Variants in HNRNPD observed in about 807,000 individuals in gnomAD.
HNRNPD encodes heterogeneous nuclear ribonucleoprotein D.
A neutral mutation model predicts 47.9 loss-of-function variants in HNRNPD; 3 were observed. The observed-to-expected ratio is 0.06, with a 90% CI of 0.03 to 0.16. The LOEUF (loss-of-function observed/expected upper bound fraction) is 0.16. Among genes scored for constraint, HNRNPD ranks in the 10% least tolerant of loss-of-function variants. The probability of loss-of-function intolerance (pLI) is 1.00; values close to 1 mark genes in which losing one functional copy is unlikely to be tolerated. For synonymous variants in HNRNPD, 171 were observed against 165.1 expected (o/e 1.04, Z -0.28); for missense variants, 287 against 454.2 (o/e 0.63, Z 3.35).
At chr4:82,371,105 ATATTTCAG>A (rs1406873272) in intron 2 of HNRNPD, among the ~76,000 whole-genome samples, 1 of 152,226 alleles carries the variant, frequency 6.6e-6, no homozygotes, top group Admixed American at 6.5e-5. Flanking sequence ...CATCTCCAGA[ATATTTCAG>A]TATAACATGC....
intron 3 of HNRNPD, among the ~76,000 whole-genome samples, 199 bp from the exon 4 acceptor site, chr4:82,359,019 A>C (rs981399470): frequency 1.3e-5 from 2 of 152,180 alleles, no homozygotes; most frequent in African/African-American, 4.8e-5. Flanking sequence ...GAATGGTAGG[A>C]CATACACAAA....
chr4:82,357,542 G>T lies in HNRNPD; in HGVS notation c.622-98C>A, dbSNP rs190462337. 4,563 of 1,023,480 alleles carry T rather than the reference G, an allele frequency of 4.5e-3. 15 individuals carry two copies. The highest frequency in any genetic ancestry group is 5.8e-3 in the Non-Finnish European group (4,204 of 721,544). The allele number at this position is 1,023,480 out of a possible 1,614,324, so 63.4% of individuals were successfully genotyped here. A position where few individuals can be genotyped will look rare whatever the true frequency, so the allele number is the denominator to read the frequency against. Reference sequence around the variant, plus strand: ...GGGGGAAAACACACAAAGAAAACATGTATTTGGCACTGAAGTTCTAGTCTC... The same window carrying T: ...GGGGGAAAACACACAAAGAAAACATTTATTTGGCACTGAAGTTCTAGTCTC... On this transcript the variant is annotated intron_variant, in intron 4 of 8. Coordinates refer to ENST00000313899, the MANE Select transcript of HNRNPD (RefSeq NM_031370.3).
intron 2 of HNRNPD, among the ~76,000 whole-genome samples, chr4:82,363,605 G>A (rs566943517): frequency 2.6e-5 from 4 of 152,190 alleles, no homozygotes; most frequent in Non-Finnish European, 4.4e-5. Context: ...GCTGCAATAA[G>A]TTTAAACTTT....
In HNRNPD at chr4:82,373,831, C is replaced by G; in HGVS notation, c.-153G>C. 1.4e-6 allele frequency: 2 copies of G among 1,468,366 alleles called. No homozygotes were observed. The highest frequency in any genetic ancestry group is 1.8e-6 in the Non-Finnish European group (2 of 1,108,536). 91.0% of individuals were successfully genotyped at this position (1,468,366 alleles called of 1,614,324 possible). On this transcript the variant is annotated 5_prime_UTR_variant, in exon 1 of 9. Transcript: ENST00000313899. The stretch of plus-strand genomic sequence containing the variant: ...AGGCGCGCGCGTGGCTGCAAAGGCT[C>G]CTGCGCCTCTCCCTGGCCTGCCCCC...
Position 82,373,737 on chromosome 4 carries a change from A to T in HNRNPD, c.-59T>A. ...ACACCCGCCGCTGCCGCGAACCGAA[A>T]CTAGCAGCAAAGTAATCCCCGCCGC... On this transcript the variant is annotated 5_prime_UTR_variant, in exon 1 of 9. Coordinates refer to ENST00000313899, the MANE Select transcript of HNRNPD (RefSeq NM_031370.3). The T allele has an allele frequency of 6.5e-7, 1 of 1,526,958 alleles. No individual in the cohort carries two copies. Among genetic ancestry groups the T allele is most frequent in the Non-Finnish European group, 8.7e-7 (1 of 1,143,796 alleles). 94.6% of individuals were successfully genotyped at this position (1,526,958 alleles called of 1,614,324 possible).
rs141699564 is a variant in HNRNPD, at chr4:82,359,971, A to G, written c.291-332T>C. On this transcript the variant is annotated intron_variant, in intron 2 of 8. Transcript: ENST00000313899. ...GCAAAAAAACCAGAATCTTAGCTTC[A>G]AATTTCTCTTCCAAATGTTCATTAA... 1.4e-4 allele frequency among the ~76,000 whole-genome samples: 21 copies of G among 152,306 alleles called. 1 individual carries two copies. The East Asian group carries it at 4.0e-3, about 29-fold the overall frequency.
chr4:82,362,315 A>C (rs1475180307), intron 2 of HNRNPD, among the ~76,000 whole-genome samples: 1 of 152,218 alleles, frequency 6.6e-6, no homozygotes, highest in Non-Finnish European at 1.5e-5. Flanking sequence ...GTAAGTAGCC[A>C]GCTGTCAAAC....
chr4:82,361,072 G>A (rs1472250960), intron 2 of HNRNPD, among the ~76,000 whole-genome samples: 1 of 152,054 alleles, frequency 6.6e-6, no homozygotes, highest in Admixed American at 6.5e-5. Context: ...AAACAACTTT[G>A]GCATTTTATA....
Position 82,373,640 on chromosome 4 carries a change from T to G in HNRNPD, c.39A>C (p.Ala13=), listed in dbSNP as rs769991211. The stretch of plus-strand genomic sequence containing the variant: ...AGCCGCCTACCGCCGCCGTTGCCGC[T>G]GCCGCCGCCCCGTCCCCGCCGAACT... The part of the protein sequence containing the change: ...EEQFGGDGAA[A]AATAAVGGSA... The change falls in exon 1 of 9, where the codon GCA becomes GCC. Residue 13 remains alanine, a synonymous_variant. Coordinates refer to ENST00000313899, the MANE Select transcript of HNRNPD (RefSeq NM_031370.3). 2.0e-6 allele frequency: 3 copies of G among 1,525,318 alleles called. No individual in the cohort carries two copies. The highest frequency in any genetic ancestry group is 2.8e-5 in the African/African-American group (2 of 70,788). 94.5% of individuals were successfully genotyped at this position (1,525,318 alleles called of 1,614,324 possible). A position where few individuals can be genotyped will look rare whatever the true frequency, so the allele number is the denominator to read the frequency against.
chr4:82,363,381 A>T (rs192775463), intron 2 of HNRNPD, among the ~76,000 whole-genome samples: 1 of 152,156 alleles, frequency 6.6e-6, no homozygotes, highest in Non-Finnish European at 1.5e-5. Context: ...AATTATCTAC[A>T]TATTTTCTAT....
In HNRNPD at chr4:82,370,981, T is replaced by TACACACACACAC. The variant is rs1553896641; in HGVS notation, c.290+535_290+546dup. Among the ~76,000 whole-genome samples the TACACACACACAC allele has an allele frequency of 7.6e-3, 1,129 of 149,448 alleles. 5 individuals carry two copies. The highest frequency in any genetic ancestry group is 9.4e-3 in the Non-Finnish European group (636 of 67,406). On this transcript the variant is annotated intron_variant, in intron 2 of 8. Coordinates refer to ENST00000313899, the MANE Select transcript of HNRNPD (RefSeq NM_031370.3). ...AGCCCACCTTTTAATGGTATATATA[T>TACACACACACAC]ACACACACACACACACACACACACT...
chr4:82,368,143 GA>G (rs952356319), intron 2 of HNRNPD, among the ~76,000 whole-genome samples: 2 of 151,860 alleles, frequency 1.3e-5, no homozygotes, highest in Non-Finnish European at 2.9e-5. Context: ...AGTGGAATGG[GA>G]AAAAAAATTA....
intron 2 of HNRNPD, among the ~76,000 whole-genome samples, chr4:82,361,737 T>C (rs1021650026): frequency 6.6e-6 from 1 of 152,220 alleles, no homozygotes; most frequent in African/African-American, 2.4e-5. Flanking sequence ...GGTATTATTC[T>C]GAAGCCCCAA....
intron 2 of HNRNPD, among the ~76,000 whole-genome samples, chr4:82,367,666 T>TA (rs1225894465): frequency 1.3e-5 from 2 of 152,166 alleles, no homozygotes; most frequent in Non-Finnish European, 2.9e-5. Context: ...ACCCAATACT[T>TA]AAACTGTCAC....
In HNRNPD at chr4:82,358,643, A is replaced by C; in HGVS notation, c.621+16T>G. The C allele has an allele frequency of 6.3e-7, 1 of 1,593,754 alleles. No individual in the cohort carries two copies. Among genetic ancestry groups the C allele is most frequent in the Non-Finnish European group, 8.5e-7 (1 of 1,173,976 alleles). On this transcript the variant is annotated intron_variant, in intron 4 of 8. Coordinates refer to ENST00000313899, the MANE Select transcript of HNRNPD (RefSeq NM_031370.3). ...CTAATTTTGACATAAACTGGGTCAA[A>C]ACATTTATAACATACCTCACCAAAA...
chr4:82,367,704 A>T (rs1024272684), intron 2 of HNRNPD, among the ~76,000 whole-genome samples: 4 of 152,206 alleles, frequency 2.6e-5, no homozygotes, highest in Non-Finnish European at 5.9e-5. Context: ...CACCACCAGT[A>T]AATTGGAGTC....
Position 82,370,011 on chromosome 4 carries a change from A to C in HNRNPD, c.290+1517T>G, listed in dbSNP as rs142909072. 2.9e-3 allele frequency among the ~76,000 whole-genome samples: 446 copies of C among 152,168 alleles called. 3 individuals are homozygous for C. Among genetic ancestry groups the C allele is most frequent in the African/African-American group, 0.01 (424 of 41,544 alleles). On this transcript the variant is annotated intron_variant, in intron 2 of 8. Transcript: ENST00000313899. ...TACAAAATTAGCCAGGCATGGTGGA[A>C]TATGCCTGTAATCCCAACTACTTTG...
intron 2 of HNRNPD, among the ~76,000 whole-genome samples, chr4:82,360,252 G>C (rs2109992538): frequency 6.6e-6 from 1 of 152,130 alleles, no homozygotes; most frequent in East Asian, 1.9e-4. Flanking sequence ...AATTAACTTA[G>C]ATGATTCGTT....
At chr4:82,370,744 A>C (rs115281226) in intron 2 of HNRNPD, among the ~76,000 whole-genome samples, 3,043 of 152,318 alleles carry the variant, frequency 0.02, 114 homozygotes, top group African/African-American at 0.069. Flanking sequence ...GTGGTGTATA[A>C]ACCCCTGAAA....
Sources: gnomAD v4.1 joint callset for allele counts (sites outside exome capture counted in the v4.1 genomes callset) on GRCh38, gnomAD v4.1.1 for gene constraint, MANE v1.5 for transcripts, NCBI Gene and HGNC (gene_info 2026-07-23, HGNC 2026-07-21) for gene names.